HIPK2: variants seen among roughly 807,000 people sequenced by gnomAD.
HIPK2 encodes the protein homeodomain interacting protein kinase 2.
HIPK2 carries 27 observed loss-of-function variants against 113.7 expected under a neutral mutation model. That is an observed-to-expected ratio of 0.24 (90% CI 0.17 to 0.33). The LOEUF (loss-of-function observed/expected upper bound fraction) is 0.33, where lower values mean the gene tolerates loss of function less well. HIPK2 is among the 10% of genes least tolerant of loss of function. HIPK2 has a pLI of 1.00. For synonymous variants in HIPK2, 631 were observed against 642.2 expected, an observed-to-expected ratio of 0.98 and a Z score of 0.26; for missense variants, 1,257 against 1,588.0, an observed-to-expected ratio of 0.79 and a Z score of 3.54.
At chr7:139,641,431 G>A (rs1185273712) in intron 2 of HIPK2, among the ~76,000 whole-genome samples, 1 of 151,682 alleles carries the variant, frequency 6.6e-6, no homozygotes, top group Admixed American at 6.6e-5. Context: ...TTCCTTGTGT[G>A]GAGAAATACT....
intron 2 of HIPK2, among the ~76,000 whole-genome samples, chr7:139,666,960 C>T (rs989604658): frequency 2.0e-4 from 31 of 151,934 alleles, no homozygotes; most frequent in Admixed American, 2.0e-3. Flanking sequence ...ACTCAGGAGG[C>T]TGAGGCAGAA....
At chr7:139,582,378 G>T (rs1798695137) in intron 13 of HIPK2, among the ~76,000 whole-genome samples, 1 of 152,234 alleles carries the variant, frequency 6.6e-6, no homozygotes, top group Non-Finnish European at 1.5e-5. Context: ...AGAGAGCACA[G>T]CGCGAGCTGC....
chr7:139,759,199 T>C (rs73475908), intron 1 of HIPK2, among the ~76,000 whole-genome samples: 2,859 of 152,350 alleles, frequency 0.019, 78 homozygotes, highest in African/African-American at 0.064. Context: ...TGATCAACCT[T>C]ACTTATAATA....
intron 7 of HIPK2, among the ~76,000 whole-genome samples, chr7:139,616,436 G>A (rs559687033): frequency 2.0e-5 from 3 of 152,162 alleles, no homozygotes; most frequent in African/African-American, 7.2e-5. Flanking sequence ...TCCCTGGTTT[G>A]GCCAACCTTA....
At chr7:139,670,156 A>G (rs2116627272) in intron 2 of HIPK2, among the ~76,000 whole-genome samples, 1 of 152,318 alleles carries the variant, frequency 6.6e-6, no homozygotes, top group African/African-American at 2.4e-5. Flanking sequence ...GAGAAGGTTC[A>G]AGTCCTAAAA....
chr7:139,698,056 G>A (rs1320173561), intron 2 of HIPK2, among the ~76,000 whole-genome samples: 9 of 152,016 alleles, frequency 5.9e-5, no homozygotes, highest in African/African-American at 2.2e-4. Context: ...GTAGAGACAA[G>A]GTTTCGTTAT....
chr7:139,592,409 AGTTGAT>A (rs1799057525), intron 12 of HIPK2, among the ~76,000 whole-genome samples: 1 of 152,192 alleles, frequency 6.6e-6, no homozygotes, highest in Non-Finnish European at 1.5e-5. Flanking sequence ...CTATATGATC[AGTTGAT>A]GTGAACCACT....
intron 10 of HIPK2, among the ~76,000 whole-genome samples, chr7:139,601,903 G>A (rs769072432): frequency 4.6e-5 from 7 of 151,146 alleles, no homozygotes; most frequent in Admixed American, 2.6e-4. Context: ...TTTTGATAGC[G>A]CCTTTTGGGC....
intron 2 of HIPK2, among the ~76,000 whole-genome samples, chr7:139,636,482 C>A (rs955198526): frequency 6.6e-6 from 1 of 152,116 alleles, no homozygotes; most frequent in Non-Finnish European, 1.5e-5. Context: ...GATGAGGTCA[C>A]ACTGGAGTAG....
intron 2 of HIPK2, among the ~76,000 whole-genome samples, chr7:139,632,239 C>A (rs1158531564): frequency 1.3e-5 from 2 of 152,140 alleles, no homozygotes; most frequent in African/African-American, 2.4e-5. Context: ...TAGTCTTGAA[C>A]TTCTGAACTC....
At chr7:139,606,277 ACTT>A (rs1799612304) in intron 9 of HIPK2, among the ~76,000 whole-genome samples, 2 of 152,110 alleles carry the variant, frequency 1.3e-5, no homozygotes, top group African/African-American at 2.4e-5. Flanking sequence ...CTTTTTTCTG[ACTT>A]CTTAATACCA....
chr7:139,587,052 G>A (rs1798854332), intron 12 of HIPK2, among the ~76,000 whole-genome samples: 1 of 152,100 alleles, frequency 6.6e-6, no homozygotes, highest in Admixed American at 6.5e-5. Flanking sequence ...TATAATTAAT[G>A]TCACTGAATT....
intron 2 of HIPK2, among the ~76,000 whole-genome samples, chr7:139,635,854 CAAG>C (rs1448690512): frequency 1.3e-5 from 2 of 152,198 alleles, no homozygotes; most frequent in African/African-American, 4.8e-5. Context: ...AAGCAGAACA[CAAG>C]AACAAAACAG....
intron 2 of HIPK2, among the ~76,000 whole-genome samples, chr7:139,662,423 T>A (rs947960745): frequency 5.9e-5 from 9 of 152,178 alleles, no homozygotes; most frequent in African/African-American, 2.2e-4. Flanking sequence ...CTCAGTGAGG[T>A]CACATGGGTA....
chr7:139,764,916 A>G (rs890379932), intron 1 of HIPK2, among the ~76,000 whole-genome samples: 4 of 152,182 alleles, frequency 2.6e-5, no homozygotes, highest in African/African-American at 9.7e-5. Flanking sequence ...CAGGTGGATC[A>G]CCTGAAGTCA....
intron 14 of HIPK2, among the ~76,000 whole-genome samples, chr7:139,573,900 A>G (rs1435016050): frequency 6.6e-6 from 1 of 151,886 alleles, no homozygotes; most frequent in Non-Finnish European, 1.5e-5. Flanking sequence ...TTGGCCTGCC[A>G]CTCACTGGGC....
chr7:139,733,958 C>A (rs149731586), intron 1 of HIPK2, among the ~76,000 whole-genome samples: 43 of 152,292 alleles, frequency 2.8e-4, no homozygotes, highest in African/African-American at 8.7e-4. Flanking sequence ...CCAGCTGACC[C>A]AAGATGTGGC....
chr7:139,696,749 A>C (rs1794579626), intron 2 of HIPK2, among the ~76,000 whole-genome samples: 1 of 152,178 alleles, frequency 6.6e-6, no homozygotes, highest in African/African-American at 2.4e-5. Flanking sequence ...AAGGGGGAAG[A>C]GTCACACAGG....
intron 2 of HIPK2, among the ~76,000 whole-genome samples, chr7:139,657,542 C>T (rs1205583635): frequency 2.6e-5 from 4 of 152,230 alleles, no homozygotes; most frequent in African/African-American, 9.6e-5. Context: ...TGGCCATCAT[C>T]CCCTGCCTGG....
Sources: gnomAD v4.1 joint callset for allele counts (sites outside exome capture counted in the v4.1 genomes callset) on GRCh38, gnomAD v4.1.1 for gene constraint, MANE v1.5 for transcripts, NCBI Gene and HGNC (gene_info 2026-07-23, HGNC 2026-07-21) for gene names.